The following PLEKHB2 variants were observed in gnomAD, a reference collection of about 807,000 sequenced individuals.
The protein encoded by PLEKHB2 is pleckstrin homology domain-containing family B member 2.
A neutral mutation model predicts 36.5 loss-of-function variants in PLEKHB2; 31 were observed. That is an observed-to-expected ratio of 0.85 (90% CI 0.64 to 1.15). The LOEUF (loss-of-function observed/expected upper bound fraction) is 1.15, where lower values mean the gene tolerates loss of function less well. Ranked by LOEUF, PLEKHB2 falls within the 50% of genes most tolerant of loss-of-function variation. The pLI is 0.00. For missense variants in PLEKHB2, 262 were observed against 295.3 expected (o/e 0.89, Z 0.83); for synonymous variants, 119 against 112.0 (o/e 1.06, Z -0.39).
At chr2:131,123,275 T>C (rs573933867) in intron 2 of PLEKHB2, among the ~76,000 whole-genome samples, 6 of 152,324 alleles carry the variant, frequency 3.9e-5, no homozygotes, top group South Asian at 4.1e-4. Context: ...CGAGGTGAGA[T>C]ACATTATATT....
intron 6 of PLEKHB2, among the ~76,000 whole-genome samples, chr2:131,133,414 G>A (rs1051939309): frequency 1.3e-5 from 2 of 152,220 alleles, no homozygotes; most frequent in Admixed American, 6.5e-5. Flanking sequence ...CTAGTGGAAC[G>A]TATGTAAGTC....
intron 1 of PLEKHB2, among the ~76,000 whole-genome samples, chr2:131,115,575 G>A (rs757098518): frequency 6.7e-4 from 101 of 151,854 alleles, no homozygotes; most frequent in South Asian, 1.5e-3. Flanking sequence ...GGATGGTCTC[G>A]ATCTCTTGAT....
intron 1 of PLEKHB2, among the ~76,000 whole-genome samples, chr2:131,105,954 C>CG (rs1166286900): frequency 6.6e-6 from 1 of 152,194 alleles, no homozygotes; most frequent in Admixed American, 6.5e-5. Flanking sequence ...CCTTAAGTCC[C>CG]GGGGGGCGTT....
intron 1 of PLEKHB2, among the ~76,000 whole-genome samples, chr2:131,108,715 A>G (rs1039558675): frequency 1.3e-5 from 2 of 152,252 alleles, no homozygotes; most frequent in African/African-American, 2.4e-5. Flanking sequence ...GGCTGGGGCC[A>G]TGAGTTGGAC....
intron 2 of PLEKHB2, 38 bp from the exon 3 acceptor site, chr2:131,125,715 A>C (rs556178539): frequency 9.1e-6 from 5 of 550,332 alleles, no homozygotes; most frequent in African/African-American, 8.8e-5. Flanking sequence ...GACTGTCTCT[A>C]AAAAAAAAAA....
At chr2:131,135,418 T>G (rs780047498) in intron 6 of PLEKHB2, among the ~76,000 whole-genome samples, 2 of 152,200 alleles carry the variant, frequency 1.3e-5, no homozygotes, top group Non-Finnish European at 2.9e-5. Flanking sequence ...TTTCTGTAGA[T>G]TCTTTGGGAT....
rs115354146 is a variant in PLEKHB2, at chr2:131,126,634, G to A, written c.191-50G>A. On this transcript the variant is annotated intron_variant, in intron 3 of 7. Transcript: ENST00000693505. ...TCTGAGCTGGTAGTTCTTAGAAAATGTAAGAAGAAATCCTGAAAAAAGTTC... is the reference window on the plus strand; with the variant it reads ...TCTGAGCTGGTAGTTCTTAGAAAATATAAGAAGAAATCCTGAAAAAAGTTC... The A allele has an allele frequency of 1.5e-3, 1,601 of 1,049,470 alleles. 6 individuals carry two copies. The highest frequency in any genetic ancestry group is 2.1e-3 in the Non-Finnish European group (1,423 of 667,642). The allele number at this position is 1,049,470 out of a possible 1,614,324, so 65.0% of individuals were successfully genotyped here. A position where few individuals can be genotyped will look rare whatever the true frequency, so the allele number is the denominator to read the frequency against.
chr2:131,120,772 C>A, intron 1 of PLEKHB2, 162 bp from the exon 2 acceptor site: 2 of 720,974 alleles, frequency 2.8e-6, no homozygotes, highest in Admixed American at 2.0e-5. Context: ...GCACATGAAC[C>A]CCAATGAGGA....
Position 131,146,805 on chromosome 2 carries a change from G to C in PLEKHB2, c.*32G>C, listed in dbSNP as rs578139079. The stretch of plus-strand genomic sequence containing the variant: ...CAAGGTCTTGATGTGCATAGCTTCT[G>C]ATAACCCTGTGTGCAATAATATGAT... On this transcript the variant is annotated 3_prime_UTR_variant, in exon 8 of 8. Transcript: ENST00000693505. 18 of 1,539,192 alleles carry C rather than the reference G, an allele frequency of 1.2e-5. No homozygotes were observed. The African/African-American group carries it at 2.4e-4, about 20-fold the overall frequency.
At position 131,132,624 on chromosome 2, in the gene PLEKHB2, T is replaced by C. The variant is rs531856553; in HGVS notation, c.334-278T>C. On this transcript the variant is annotated intron_variant, in intron 5 of 7. Coordinates refer to ENST00000693505, the MANE Select transcript of PLEKHB2 (RefSeq NM_001100623.2). ...CTGATGTAACATCTTTTAAAAGGCA[T>C]TGGGTAACAGTGGGGCCTCTGAGTG... is the stretch of plus-strand genomic sequence containing the variant. 2.6e-5 allele frequency among the ~76,000 whole-genome samples: 4 copies of C among 152,172 alleles called. No individual in the cohort carries two copies. The East Asian group carries it at 5.8e-4, about 22-fold the overall frequency.
intron 6 of PLEKHB2, among the ~76,000 whole-genome samples, chr2:131,135,535 A>C (rs938720153): frequency 6.6e-6 from 1 of 152,038 alleles, no homozygotes; most frequent in Non-Finnish European, 1.5e-5. Flanking sequence ...TAGACCTTCA[A>C]ATATTATGTA....
chr2:131,130,854 C>A, intron 5 of PLEKHB2, 94 bp downstream of exon 5: 1 of 848,224 alleles, frequency 1.2e-6, no homozygotes, highest in South Asian at 1.4e-5. Context: ...TGTCTCACCT[C>A]ACTGCAGCCT....
At chr2:131,117,721 CAT>C (rs1696034720) in intron 1 of PLEKHB2, among the ~76,000 whole-genome samples, 1 of 151,676 alleles carries the variant, frequency 6.6e-6, no homozygotes, top group Non-Finnish European at 1.5e-5. Context: ...TTTGCCCTCT[CAT>C]TTTTTTGTGT....
At chr2:131,139,293 C>T (rs1267489142) in intron 6 of PLEKHB2, among the ~76,000 whole-genome samples, 2 of 152,154 alleles carry the variant, frequency 1.3e-5, no homozygotes, top group Non-Finnish European at 2.9e-5. Context: ...TCTCTCTCTT[C>T]AGTCTTCTTG....
intron 6 of PLEKHB2, among the ~76,000 whole-genome samples, chr2:131,137,920 T>TA: frequency 6.6e-6 from 1 of 152,082 alleles, no homozygotes; most frequent in East Asian, 1.9e-4. Flanking sequence ...TTTAAATCAT[T>TA]ATTCTTGAGT....
chr2:131,128,207 T>C (rs981471605), intron 4 of PLEKHB2, among the ~76,000 whole-genome samples: 3 of 152,086 alleles, frequency 2.0e-5, no homozygotes, highest in Non-Finnish European at 4.4e-5. Flanking sequence ...CCAGATTAGG[T>C]AGGAAGCGTG....
At chr2:131,111,360 CTT>C (rs770158112) in intron 1 of PLEKHB2, among the ~76,000 whole-genome samples, 26 of 111,522 alleles carry the variant, frequency 2.3e-4, no homozygotes, top group Admixed American at 3.6e-4. Flanking sequence ...ATCTCTTGGT[CTT>C]TTTTTTTTTT....
chr2:131,133,123 T>C (rs145261736), intron 6 of PLEKHB2, 132 bp downstream of exon 6: 1 of 633,572 alleles, frequency 1.6e-6, no homozygotes, highest in Non-Finnish European at 2.8e-6. Flanking sequence ...TGATTTCTTA[T>C]CAACGTTTGT....
At chr2:131,140,051 G>C (rs1270042752) in intron 6 of PLEKHB2, 116 bp from the exon 7 acceptor site, 6 of 627,162 alleles carry the variant, frequency 9.6e-6, no homozygotes, top group Non-Finnish European at 1.7e-5. Flanking sequence ...TTCATGTTTT[G>C]TTTTGTTTTT....
Sources: gnomAD v4.1 joint callset for allele counts (sites outside exome capture counted in the v4.1 genomes callset) on GRCh38, gnomAD v4.1.1 for gene constraint, MANE v1.5 for transcripts, NCBI Gene and HGNC (gene_info 2026-07-23, HGNC 2026-07-21) for gene names.